Variants in FNDC3A observed in about 807,000 individuals in gnomAD.
The protein encoded by FNDC3A is fibronectin type-III domain-containing protein 3A.
FNDC3A carries 32 observed loss-of-function variants against 148.9 expected under a neutral mutation model. The ratio of observed to expected loss-of-function variants is 0.21; its 90% confidence interval spans 0.16 to 0.29. The LOEUF (loss-of-function observed/expected upper bound fraction) is 0.29. Among genes scored for constraint, FNDC3A ranks in the 10% least tolerant of loss-of-function variants. FNDC3A has a pLI of 1.00. For missense variants in FNDC3A, 1,191 were observed against 1,452.8 expected, an observed-to-expected ratio of 0.82 and a Z score of 2.93; for synonymous variants, 472 against 473.6, an observed-to-expected ratio of 1.00 and a Z score of 0.04.
intron 2 of FNDC3A, among the ~76,000 whole-genome samples, chr13:49,071,091 G>A (rs1438526105): frequency 3.1e-5 from 4 of 127,948 alleles, no homozygotes; most frequent in African/African-American, 1.2e-4. Flanking sequence ...GTAGAGATGA[G>A]GTCTCACTCT....
intron 3 of FNDC3A, among the ~76,000 whole-genome samples, chr13:49,105,026 C>T (rs1229808299): frequency 6.6e-6 from 1 of 152,060 alleles, no homozygotes; most frequent in Non-Finnish European, 1.5e-5. Context: ...AGTATATTTG[C>T]AACCAATGTA....
chr13:49,026,865 T>C (rs1303638356), intron 2 of FNDC3A, among the ~76,000 whole-genome samples: 1 of 152,096 alleles, frequency 6.6e-6, no homozygotes, highest in East Asian at 1.9e-4. Context: ...GAATAATCCT[T>C]GAGGAAAATT....
At chr13:48,994,437 T>G (rs891848033) in intron 1 of FNDC3A, among the ~76,000 whole-genome samples, 1 of 152,222 alleles carries the variant, frequency 6.6e-6, no homozygotes, top group Non-Finnish European at 1.5e-5. Context: ...AATGGTTTTG[T>G]AATTATGTTT....
At chr13:49,158,455 A>G (rs1279474914) in intron 8 of FNDC3A, among the ~76,000 whole-genome samples, 3 of 152,168 alleles carry the variant, frequency 2.0e-5, no homozygotes, top group African/African-American at 7.2e-5. Context: ...GGTACCTCAG[A>G]TGGAAATGCA....
chr13:49,017,962 G>T (rs147199777), intron 2 of FNDC3A, among the ~76,000 whole-genome samples: 1 of 152,104 alleles, frequency 6.6e-6, no homozygotes, highest in East Asian at 1.9e-4. Context: ...AGTTTCTGCC[G>T]AGAGATCCGC....
At chr13:49,179,642 C>G (rs1040455230) in intron 14 of FNDC3A, among the ~76,000 whole-genome samples, 4 of 152,132 alleles carry the variant, frequency 2.6e-5, no homozygotes, top group Non-Finnish European at 5.9e-5. Flanking sequence ...CCATTTATAT[C>G]AGTATGTACT....
chr13:49,015,798 A>C (rs1220514451), intron 2 of FNDC3A, among the ~76,000 whole-genome samples: 1 of 151,830 alleles, frequency 6.6e-6, no homozygotes, highest in Non-Finnish European at 1.5e-5. Context: ...ATTTATTGAG[A>C]GTTTTTAGCA....
intron 1 of FNDC3A, among the ~76,000 whole-genome samples, chr13:48,998,445 C>T (rs1199151775): frequency 1.3e-5 from 2 of 152,120 alleles, no homozygotes; most frequent in Non-Finnish European, 2.9e-5. Flanking sequence ...ATTTAAAATA[C>T]TATGTAAAAT....
intron 4 of FNDC3A, among the ~76,000 whole-genome samples, chr13:49,125,024 A>G (rs559614782): frequency 4.7e-4 from 72 of 152,090 alleles, no homozygotes; most frequent in African/African-American, 1.6e-3. Flanking sequence ...GTGGGCTGTT[A>G]TGGTAATGAG....
At chr13:49,047,701 C>A (rs569857559) in intron 2 of FNDC3A, among the ~76,000 whole-genome samples, 2 of 152,068 alleles carry the variant, frequency 1.3e-5, no homozygotes, top group African/African-American at 2.4e-5. Context: ...AGTCCTTTGT[C>A]GGATGTATAG....
intron 1 of FNDC3A, among the ~76,000 whole-genome samples, chr13:48,981,357 A>G (rs1351447374): frequency 2.0e-5 from 3 of 152,082 alleles, no homozygotes; most frequent in Non-Finnish European, 2.9e-5. Flanking sequence ...AGAGAATAAT[A>G]TCTATCCTGT....
chr13:49,191,197 T>C lies in FNDC3A; in HGVS notation c.2051-12T>C. 1 of 1,605,408 alleles carries C rather than the reference T, an allele frequency of 6.2e-7. No individual in the cohort carries two copies. The highest frequency in any genetic ancestry group is 8.5e-7 in the Non-Finnish European group (1 of 1,176,270). On this transcript the variant is annotated splice_polypyrimidine_tract_variant and intron_variant, in intron 18 of 25. Coordinates refer to ENST00000492622, the MANE Select transcript of FNDC3A (RefSeq NM_001079673.2). ...CGTCTTGTTAAATTGCATTAATCTTTCCATCTTTTAGGACCCCCTCTGGTT... is the reference window on the plus strand; with the variant it reads ...CGTCTTGTTAAATTGCATTAATCTTCCCATCTTTTAGGACCCCCTCTGGTT...
chr13:49,042,232 T>C (rs957147522), intron 2 of FNDC3A, among the ~76,000 whole-genome samples: 1 of 152,170 alleles, frequency 6.6e-6, no homozygotes, highest in African/African-American at 2.4e-5. Context: ...TCTCCAAGAT[T>C]TGAGTATGTC....
intron 2 of FNDC3A, among the ~76,000 whole-genome samples, chr13:49,017,028 G>T (rs1486839408): frequency 6.6e-6 from 1 of 151,598 alleles, no homozygotes; most frequent in Non-Finnish European, 1.5e-5. Context: ...CCAAGTATGT[G>T]GTCAATTTTG....
intron 2 of FNDC3A, chr13:49,044,824 G>C (rs956394203): frequency 1.8e-5 from 7 of 394,634 alleles, no homozygotes; most frequent in African/African-American, 1.5e-4. Context: ...AATACTTTTT[G>C]TGTGTTAGAA....
chr13:49,055,696 C>G (rs1327920873), intron 2 of FNDC3A, among the ~76,000 whole-genome samples: 1 of 152,080 alleles, frequency 6.6e-6, no homozygotes, highest in Non-Finnish European at 1.5e-5. Flanking sequence ...AAGCCCCCTG[C>G]CCCTTCAAGT....
At chr13:49,140,842 A>C (rs1389037836) in intron 7 of FNDC3A, among the ~76,000 whole-genome samples, 2 of 152,222 alleles carry the variant, frequency 1.3e-5, no homozygotes, top group African/African-American at 4.8e-5. Context: ...CAGAGTGTGT[A>C]ATAGGAGGAC....
chr13:49,197,666 G>A, intron 20 of FNDC3A, 59 bp from the exon 21 acceptor site: 1 of 1,486,276 alleles, frequency 6.7e-7, no homozygotes, highest in Non-Finnish European at 9.1e-7. Flanking sequence ...AGCATTTTTG[G>A]CCAAAAGCTA....
At chr13:48,985,424 C>G (rs1373325687) in intron 1 of FNDC3A, among the ~76,000 whole-genome samples, 9 of 152,072 alleles carry the variant, frequency 5.9e-5, no homozygotes, top group Non-Finnish European at 1.0e-4. Context: ...TGCTATCATT[C>G]ATTAATAGAG....
Sources: allele counts gnomAD v4.1 joint callset (sites outside exome capture counted in the v4.1 genomes callset), GRCh38; gene constraint gnomAD v4.1.1; transcripts MANE v1.5; gene names NCBI Gene and HGNC (gene_info 2026-07-23, HGNC 2026-07-21).